The following PHC2 variants were observed in gnomAD, a reference collection of about 807,000 sequenced individuals.
The protein encoded by PHC2 is polyhomeotic homolog 2, also known as polyhomeotic-like protein 2.
Under a neutral mutation model 87.4 loss-of-function variants are expected in PHC2, and 29 were observed. The ratio of observed to expected loss-of-function variants is 0.33; its 90% CI spans 0.25 to 0.45. The LOEUF (loss-of-function observed/expected upper bound fraction) is 0.45, where lower values mean the gene tolerates loss of function less well. Ranked by LOEUF, PHC2 falls within the 20% of genes least tolerant of loss-of-function variation. The pLI is 1.00. For missense variants in PHC2, 857 were observed against 1,136.7 expected, an observed-to-expected ratio of 0.75 and a Z score of 3.54; for synonymous variants, 438 against 461.7, an observed-to-expected ratio of 0.95 and a Z score of 0.66.
chr1:33,345,881 A>G (rs1646835192), intron 9 of PHC2: 2 of 984,928 alleles, frequency 2.0e-6, no homozygotes, highest in Admixed American at 6.1e-5. Flanking sequence ...TAGTAATTCA[A>G]ATGAAAAATG....
intron 9 of PHC2, chr1:33,336,617 G>A (rs983534581): frequency 1.3e-5 from 2 of 152,228 alleles, no homozygotes; most frequent in African/African-American, 4.8e-5. Context: ...AATTGCAAAG[G>A]TGTCTGAGAA....
chr1:33,387,544 C>A (rs188355210), intron 1 of PHC2, among the ~76,000 whole-genome samples: 3 of 152,334 alleles, frequency 2.0e-5, no homozygotes, highest in East Asian at 3.9e-4. Context: ...GATAATAATT[C>A]TTGCCATTTA....
chr1:33,377,513 C>A (rs1423845441), intron 1 of PHC2, among the ~76,000 whole-genome samples: 1 of 152,108 alleles, frequency 6.6e-6, no homozygotes, highest in Non-Finnish European at 1.5e-5. Context: ...GTGGGAGAGG[C>A]ACACCCAGAT....
At chr1:33,340,194 A>C (rs4653057) in intron 9 of PHC2, among the ~76,000 whole-genome samples, 152,056 of 152,344 alleles carry the variant, frequency 1, 75,884 homozygotes, top group Non-Finnish European at 1. Context: ...TGACAGAGCT[A>C]ATGAAATGAA....
rs1211894815 is a variant in PHC2, at chr1:33,324,692, G to C, written c.*173C>G. 1.8e-6 allele frequency: 1 copy of C among 551,896 alleles called. No homozygotes were observed. The highest frequency in any genetic ancestry group is 3.1e-5 in the East Asian group (1 of 32,556). The allele number at this position is 551,896 out of a possible 1,614,324, so 34.2% of individuals were successfully genotyped here. On this transcript the variant is annotated 3_prime_UTR_variant, in exon 15 of 15. Coordinates refer to ENST00000683057, the MANE Select transcript of PHC2 (RefSeq NM_001385109.1). ...ACCTCTCTGCCCCTCCCACAGAAAT[G>C]AAAGGCCCCTGAGAGCCATGGAGGA...
intron 1 of PHC2, among the ~76,000 whole-genome samples, chr1:33,411,589 T>C (rs1440938827): frequency 1.3e-5 from 2 of 151,998 alleles, no homozygotes; most frequent in African/African-American, 4.8e-5. Flanking sequence ...TGAGACGGAG[T>C]CTTGCTCTGT....
Position 33,372,394 on chromosome 1 carries a change from C to T in PHC2, c.228G>A (p.Gln76=). ...GCTGCTGCTGGGCGGCGTACATCTG[C>T]TGCAGGTACTGAGCGGCCGTGCTGG... ...RQPSTAAQYL[Q]QMYAAQQQHL... Residue 76 remains glutamine (Q), a synonymous_variant, in exon 3 of 15, where the codon CAG becomes CAA. Coordinates refer to ENST00000683057, the MANE Select transcript of PHC2 (RefSeq NM_001385109.1). The T allele has an allele frequency of 6.2e-7, 1 of 1,607,544 alleles. No homozygotes were observed. The highest frequency in any genetic ancestry group is 8.5e-7 in the Non-Finnish European group (1 of 1,176,254).
intron 10 of PHC2, chr1:33,333,692 G>T: frequency 4.4e-6 from 1 of 229,602 alleles, no homozygotes; most frequent in Non-Finnish European, 8.5e-6. Flanking sequence ...AATTCCTTTT[G>T]TTCCTAACTG....
Position 33,354,822 on chromosome 1 carries a change from G to A in PHC2, c.1392+16C>T. On this transcript the variant is annotated intron_variant, in intron 8 of 14. Transcript: ENST00000683057. Reference sequence around the variant, plus strand: ...CACCCCGTGTGCTCCCTGGACCTTGGGGCTGGCTTACTCACCACTGGTGAA... The same window carrying A: ...CACCCCGTGTGCTCCCTGGACCTTGAGGCTGGCTTACTCACCACTGGTGAA... 1 of 1,608,602 alleles carries A rather than the reference G, an allele frequency of 6.2e-7. No individual in the cohort carries two copies. The highest frequency in any genetic ancestry group is 8.5e-7 in the Non-Finnish European group (1 of 1,176,722).
rs934010203 is a variant in PHC2 at position 33,369,856 on chromosome 1, T to G, written c.576+565A>C. Among the ~76,000 whole-genome samples, 1 of 152,052 alleles carries G rather than the reference T, an allele frequency of 6.6e-6. No individual in the cohort carries two copies. Among genetic ancestry groups the G allele is most frequent in the Admixed American group, 6.5e-5 (1 of 15,270 alleles). ...GGACCTGGTAGGCTCCTAAGGACCTTTGCACCCCTCAGGGATAGGTGCAAA... is the reference window on the plus strand; with the variant it reads ...GGACCTGGTAGGCTCCTAAGGACCTGTGCACCCCTCAGGGATAGGTGCAAA... On this transcript the variant is annotated intron_variant, in intron 5 of 14. Coordinates refer to ENST00000683057, the MANE Select transcript of PHC2 (RefSeq NM_001385109.1). The surrounding 1 kb of genome is among the most constrained non-coding windows in gnomAD (Gnocchi z 4.7).
chr1:33,334,400 C>A lies in PHC2; in HGVS notation c.1559-108G>T. On this transcript the variant is annotated intron_variant, in intron 9 of 14. Coordinates refer to ENST00000683057, the MANE Select transcript of PHC2 (RefSeq NM_001385109.1). The surrounding 1 kb of genome is among the most constrained non-coding windows in gnomAD (Gnocchi z 5.5). ...CTGCGCCCGGCTTTTACCGTGGGGC[C>A]AAGCGACAATGCAAACCAAGCAGTC... 1 of 959,204 alleles carries A rather than the reference C, an allele frequency of 1.0e-6. No homozygotes were observed. Among genetic ancestry groups the A allele is most frequent in the Non-Finnish European group, 1.6e-6 (1 of 629,826 alleles). 59.4% of individuals were successfully genotyped at this position (959,204 alleles called of 1,614,324 possible).
At chr1:33,418,858 TGGA>T (rs1650313453) in intron 1 of PHC2, among the ~76,000 whole-genome samples, 1 of 152,164 alleles carries the variant, frequency 6.6e-6, no homozygotes, top group South Asian at 2.1e-4. Context: ...GCAGAAAACA[TGGA>T]GAAGAGGCTA....
At chr1:33,405,537 T>C (rs1649724922) in intron 1 of PHC2, among the ~76,000 whole-genome samples, 1 of 152,162 alleles carries the variant, frequency 6.6e-6, no homozygotes, top group South Asian at 2.1e-4. Context: ...GCTTTGTATA[T>C]CCTCTCTATA....
chr1:33,392,167 G>GCGCA (rs1553188853), intron 1 of PHC2, among the ~76,000 whole-genome samples: 1 of 150,250 alleles, frequency 6.7e-6, no homozygotes, highest in Admixed American at 6.6e-5. Context: ...ACACATACGT[G>GCGCA]CACACACACA....
chr1:33,343,815 C>T (rs1646794044), intron 9 of PHC2, among the ~76,000 whole-genome samples: 3 of 152,208 alleles, frequency 2.0e-5, no homozygotes, highest in South Asian at 4.1e-4. Flanking sequence ...TCTTGGTCTA[C>T]GTCGGTAGTC....
At chr1:33,335,008 C>T (rs1431578703) in intron 9 of PHC2, among the ~76,000 whole-genome samples, 1 of 152,206 alleles carries the variant, frequency 6.6e-6, no homozygotes, top group African/African-American at 2.4e-5. Flanking sequence ...AATCAGTCCT[C>T]ATGCCCAGAT....
intron 10 of PHC2, chr1:33,333,550 CCTTT>C (rs1174612972): frequency 6.2e-6 from 1 of 161,658 alleles, no homozygotes; most frequent in Non-Finnish European, 1.3e-5. Flanking sequence ...TCCATCGTGA[CCTTT>C]CTGAGTGCCC....
At chr1:33,398,313 G>T (rs983441792) in intron 1 of PHC2, among the ~76,000 whole-genome samples, 1 of 152,212 alleles carries the variant, frequency 6.6e-6, no homozygotes, top group African/African-American at 2.4e-5. Context: ...CACAGCCAGA[G>T]GAAGGAGAGA....
At chr1:33,413,391 A>G (rs542593523) in intron 1 of PHC2, among the ~76,000 whole-genome samples, 72 of 152,390 alleles carry the variant, frequency 4.7e-4, no homozygotes, top group African/African-American at 1.7e-3. Context: ...GTATTGAAAT[A>G]TAGCCAGTCC....
Sources: allele counts gnomAD v4.1 joint callset (sites outside exome capture counted in the v4.1 genomes callset), GRCh38; gene constraint gnomAD v4.1.1; non-coding constraint Gnocchi (gnomAD v3.1); transcripts MANE v1.5; gene names NCBI Gene and HGNC (gene_info 2026-07-23, HGNC 2026-07-21).